UEVLD: variants seen among roughly 807,000 people sequenced by gnomAD.
The protein encoded by UEVLD is UEV and lactate/malate dehyrogenase domains.
In UEVLD, 47 loss-of-function variants were observed where a neutral mutation model predicts 58.6. That is an observed-to-expected ratio of 0.80 (90% CI 0.63 to 1.02). UEVLD has a LOEUF of 1.02. UEVLD is among the 50% of genes least tolerant of loss of function. UEVLD has a pLI of 0.00. For missense variants in UEVLD, 510 were observed against 550.6 expected (o/e 0.93, Z 0.74); for synonymous variants, 197 against 195.3 (o/e 1.01, Z -0.07).
intron 7 of UEVLD, among the ~76,000 whole-genome samples, chr11:18,552,313 G>A (rs187288329): frequency 1.3e-5 from 2 of 152,342 alleles, no homozygotes; most frequent in African/African-American, 4.8e-5. Context: ...GGGAGGCCAA[G>A]GCAGGTGGAT....
chr11:18,564,954 T>G lies in UEVLD; in HGVS notation c.550A>C (p.Lys184Gln). Residue 184 changes from lysine to glutamine, a missense_variant, in exon 6 of 12, where the codon AAA becomes CAA. Coordinates refer to ENST00000396197, the MANE Select transcript of UEVLD (RefSeq NM_001040697.4). Reference sequence around the variant, plus strand: ...TCTCCACCTCCAACCACAGTAATTTTATTGACTGTTTTATTCTCATGATTT... The same window carrying G: ...TCTCCACCTCCAACCACAGTAATTTGATTGACTGTTTTATTCTCATGATTT... Reference protein sequence around the residue: ...WANHENKTVNKITVVGGGELG... With the variant: ...WANHENKTVNQITVVGGGELG... The G allele has an allele frequency of 1.9e-6, 3 of 1,613,922 alleles. No homozygotes were observed. In the South Asian group the frequency reaches 3.3e-5, roughly 18 times the overall value.
chr11:18,561,909 A>AT (rs1852055318), intron 6 of UEVLD, among the ~76,000 whole-genome samples: 1 of 152,084 alleles, frequency 6.6e-6, no homozygotes, highest in Non-Finnish European at 1.5e-5. Context: ...AAGAAAAAAA[A>AT]AAGAGTCAAG....
In UEVLD at chr11:18,570,423, A is replaced by G. The variant is rs374250711; in HGVS notation, c.194-46T>C. On this transcript the variant is annotated intron_variant, in intron 3 of 11. Transcript: ENST00000396197. Reference sequence around the variant, plus strand: ...ATATCTTCAAACAATAATAAAGCACACACATTATGATATAGCTAGGCGGCA... The same window carrying G: ...ATATCTTCAAACAATAATAAAGCACGCACATTATGATATAGCTAGGCGGCA... 180 of 1,472,578 alleles carry G rather than the reference A, an allele frequency of 1.2e-4. 1 individual carries two copies. In the Middle Eastern group the frequency reaches 2.0e-3, roughly 16 times the overall value. 91.2% of individuals were successfully genotyped at this position (1,472,578 alleles called of 1,614,324 possible).
At chr11:18,571,501 G>A (rs1176965625) in intron 3 of UEVLD, among the ~76,000 whole-genome samples, 1 of 152,110 alleles carries the variant, frequency 6.6e-6, no homozygotes, top group Non-Finnish European at 1.5e-5. Flanking sequence ...GTGTCTAAAC[G>A]TTAAGATTTC....
intron 7 of UEVLD, among the ~76,000 whole-genome samples, chr11:18,550,284 A>T (rs546956057): frequency 1.3e-5 from 2 of 152,310 alleles, no homozygotes; most frequent in East Asian, 3.9e-4. Flanking sequence ...CACAGCACCC[A>T]GCTCAGTATT....
intron 6 of UEVLD, among the ~76,000 whole-genome samples, chr11:18,564,593 A>G (rs1027144663): frequency 1.3e-5 from 2 of 152,180 alleles, no homozygotes; most frequent in South Asian, 4.1e-4. Context: ...GAGTTTAATT[A>G]AAGTGGCATG....
chr11:18,577,871 CAAAAAAAA>C (rs550091645), intron 2 of UEVLD, among the ~76,000 whole-genome samples: 1 of 66,778 alleles, frequency 1.5e-5, no homozygotes, highest in Non-Finnish European at 3.2e-5. Flanking sequence ...GACTCCATCT[CAAAAAAAA>C]AAAAAAAAAA....
chr11:18,541,834 A>G (rs1461833474), intron 9 of UEVLD, among the ~76,000 whole-genome samples: 1 of 152,172 alleles, frequency 6.6e-6, no homozygotes, highest in African/African-American at 2.4e-5. Flanking sequence ...CCCTGTGGCA[A>G]AGCTGTGGGG....
chr11:18,555,765 T>A (rs979134301), intron 7 of UEVLD, among the ~76,000 whole-genome samples: 1 of 151,948 alleles, frequency 6.6e-6, no homozygotes, highest in Non-Finnish European at 1.5e-5. Context: ...CAGGGCAACA[T>A]AGCAAGACCC....
At chr11:18,536,329 CA>C (rs1850792279) in intron 10 of UEVLD, 76 bp downstream of exon 10, 4 of 1,348,114 alleles carry the variant, frequency 3.0e-6, no homozygotes, top group Non-Finnish European at 4.2e-6. Flanking sequence ...TGGTTAAGTA[CA>C]TACTGTATAA....
chr11:18,571,107 C>T (rs1015165072), intron 3 of UEVLD, among the ~76,000 whole-genome samples: 2 of 151,986 alleles, frequency 1.3e-5, no homozygotes, highest in African/African-American at 2.4e-5. Context: ...AATCCCAGCA[C>T]TTTCAAGGTG....
At chr11:18,582,230 C>T (rs1438690691) in intron 1 of UEVLD, among the ~76,000 whole-genome samples, 1 of 152,098 alleles carries the variant, frequency 6.6e-6, no homozygotes, top group African/African-American at 2.4e-5. Context: ...AATTGCAAAA[C>T]TGCTACACAA....
chr11:18,588,698 G>A lies in UEVLD; in HGVS notation c.-44C>T, dbSNP rs757653379. 8 of 1,597,176 alleles carry A rather than the reference G, an allele frequency of 5.0e-6. 1 individual carries two copies. The Admixed American group carries it at 6.8e-5, about 14-fold the overall frequency. ...CTAGGTCCCAGGACTCCAGCCCCCG[G>A]ACCTTCTTCCGGACTTGCTGCAGGA... On this transcript the variant is annotated 5_prime_UTR_variant, in exon 1 of 12. Transcript: ENST00000396197.
chr11:18,572,728 T>A (rs1590363579), intron 3 of UEVLD, among the ~76,000 whole-genome samples: 4 of 148,494 alleles, frequency 2.7e-5, no homozygotes, highest in Non-Finnish European at 5.9e-5. Context: ...TGCTTGAACC[T>A]GGGAGGTGGA....
intron 1 of UEVLD, among the ~76,000 whole-genome samples, chr11:18,583,950 C>T (rs1020959126): frequency 1.3e-5 from 2 of 152,092 alleles, no homozygotes; most frequent in Non-Finnish European, 2.9e-5. Flanking sequence ...TGTGAGCCAC[C>T]GCAGTATTAC....
rs773650881 is a variant in UEVLD, at chr11:18,570,246, T to C, written c.325A>G (p.Ile109Val). 4 of 1,607,846 alleles carry C rather than the reference T, an allele frequency of 2.5e-6. No homozygotes were observed. Among genetic ancestry groups the C allele is most frequent in the Admixed American group, 1.7e-5 (1 of 58,730 alleles). Reference protein sequence around the residue: ...VGKHVDAQGRIYLPYLQNWSH... With the variant: ...VGKHVDAQGRVYLPYLQNWSH... ...CAGTTTTGGAGATAGGGCAAATATA[T>C]TCTGCCTTGAGCATCCACATGTTTT... Residue 109 changes from isoleucine to valine, a missense_variant, in exon 4 of 12, where the codon ATA becomes GTA. Physicochemically the swap from Ile to Val is conservative, Grantham distance 29. Coordinates refer to ENST00000396197, the MANE Select transcript of UEVLD (RefSeq NM_001040697.4).
At chr11:18,548,886 T>C (rs1436644331) in intron 7 of UEVLD, among the ~76,000 whole-genome samples, 1 of 152,250 alleles carries the variant, frequency 6.6e-6, no homozygotes, top group Admixed American at 6.5e-5. Context: ...ATGAGTCCTC[T>C]TAAGTAATTC....
chr11:18,551,210 C>T lies in UEVLD; in HGVS notation c.716-4160G>A, dbSNP rs566053887. Among the ~76,000 whole-genome samples, 6 of 152,080 alleles carry T rather than the reference C, an allele frequency of 3.9e-5. No homozygotes were observed. In the East Asian group the frequency reaches 9.7e-4, roughly 25 times the overall value. ...TTGGGAGGCTGAGGTGGGCGGATCA[C>T]GAGGTCAGGAGTTCAAGACCAGCCT... is the stretch of plus-strand genomic sequence containing the variant. On this transcript the variant is annotated intron_variant, in intron 7 of 11. Transcript: ENST00000396197.
intron 9 of UEVLD, among the ~76,000 whole-genome samples, chr11:18,540,260 C>T (rs1241177387): frequency 1.3e-5 from 2 of 152,202 alleles, no homozygotes; most frequent in South Asian, 4.1e-4. Flanking sequence ...TGGAAAACCA[C>T]TACCTCCTTC....
Sources: allele counts gnomAD v4.1 joint callset (sites outside exome capture counted in the v4.1 genomes callset), GRCh38; gene constraint gnomAD v4.1.1; transcripts MANE v1.5; gene names NCBI Gene and HGNC (gene_info 2026-07-23, HGNC 2026-07-21).